The following ERC2 variants were observed in gnomAD, a reference collection of about 807,000 sequenced individuals.
ERC2 encodes ELKS/RAB6-interacting/CAST family member 2.
A neutral mutation model predicts 114.8 loss-of-function variants in ERC2; 42 were observed. That is an observed-to-expected ratio of 0.37 (90% CI 0.29 to 0.47). The LOEUF is 0.47. ERC2 is among the 20% of genes least tolerant of loss of function. The pLI, the probability that ERC2 is intolerant of heterozygous loss-of-function variation, is 0.99. For missense variants in ERC2, 939 were observed against 1,150.7 expected, an observed-to-expected ratio of 0.82 and a Z score of 2.66; for synonymous variants, 454 against 425.5, an observed-to-expected ratio of 1.07 and a Z score of -0.82.
intron 2 of ERC2, among the ~76,000 whole-genome samples, chr3:56,337,145 A>G (rs1272876320): frequency 6.6e-6 from 1 of 152,180 alleles, no homozygotes; most frequent in Non-Finnish European, 1.5e-5. Context: ...ACCAAAGGAA[A>G]CTTAATAAAC....
intron 17 of ERC2, among the ~76,000 whole-genome samples, chr3:55,597,291 G>A (rs2058190197): frequency 6.6e-6 from 1 of 151,932 alleles, no homozygotes; most frequent in Non-Finnish European, 1.5e-5. Flanking sequence ...GTGGTGGCAG[G>A]TGCCTATAGT....
chr3:55,796,600 AT>A (rs2070516291), intron 14 of ERC2, among the ~76,000 whole-genome samples: 1 of 152,084 alleles, frequency 6.6e-6, no homozygotes, highest in Non-Finnish European at 1.5e-5. Context: ...TAACTTTTGT[AT>A]TTTTAGTAGA....
intron 14 of ERC2, among the ~76,000 whole-genome samples, chr3:55,753,982 A>C (rs1390599081): frequency 1.3e-5 from 2 of 152,204 alleles, no homozygotes; most frequent in Non-Finnish European, 2.9e-5. Flanking sequence ...GAATCCTAAT[A>C]CACTTATGAG....
intron 3 of ERC2, among the ~76,000 whole-genome samples, chr3:56,282,126 G>A: frequency 6.6e-6 from 1 of 152,198 alleles, no homozygotes. Context: ...CAAAGATTTT[G>A]TAGCAGGCAG....
intron 7 of ERC2, among the ~76,000 whole-genome samples, chr3:56,040,581 A>ATCTCTATG (rs1491586595): frequency 4.6e-3 from 2 of 434 alleles, no homozygotes; most frequent in South Asian, 0.053. Context: ...ATATGTATAC[A>ATCTCTATG]TATACATATA....
chr3:56,081,077 T>G, intron 6 of ERC2, 93 bp from the exon 7 acceptor site: 2 of 1,380,192 alleles, frequency 1.4e-6, no homozygotes, highest in South Asian at 2.8e-5. Context: ...GGCAGCAGCA[T>G]GTTTACTGAG....
chr3:56,128,369 C>T (rs963453352), intron 6 of ERC2, among the ~76,000 whole-genome samples: 1 of 152,072 alleles, frequency 6.6e-6, no homozygotes, highest in African/African-American at 2.4e-5. Context: ...GTCTCCAGCA[C>T]CTAGGACCAT....
At chr3:56,459,737 G>GA (rs936532340) in intron 1 of ERC2, among the ~76,000 whole-genome samples, 29 of 152,084 alleles carry the variant, frequency 1.9e-4, no homozygotes, top group African/African-American at 6.5e-4. Flanking sequence ...TGACTTCCAG[G>GA]AAAAAATAAC....
chr3:55,779,327 C>CAAAAAAAAAAAAAAAAAA (rs60185894), intron 14 of ERC2, among the ~76,000 whole-genome samples: 2 of 62,470 alleles, frequency 3.2e-5, no homozygotes, highest in Non-Finnish European at 6.9e-5. Context: ...ACTAAAAATA[C>CAAAAAAAAAAAAAAAAAA]AAAAAAAAAA....
chr3:55,666,242 C>T (rs955249237), intron 17 of ERC2, among the ~76,000 whole-genome samples: 2 of 152,182 alleles, frequency 1.3e-5, no homozygotes, highest in Non-Finnish European at 2.9e-5. Flanking sequence ...AGGAGACCAG[C>T]AAGTTCAGAT....
chr3:55,976,623 A>G (rs1295556093), intron 12 of ERC2, among the ~76,000 whole-genome samples: 1 of 152,238 alleles, frequency 6.6e-6, no homozygotes, highest in Non-Finnish European at 1.5e-5. Context: ...AGCAAGTAAG[A>G]GTGTGCCCTA....
At chr3:56,183,468 A>G (rs971851863) in intron 3 of ERC2, among the ~76,000 whole-genome samples, 20 of 152,216 alleles carry the variant, frequency 1.3e-4, no homozygotes, top group African/African-American at 4.8e-4. Flanking sequence ...CACACAGCAT[A>G]CAATCATCAT....
rs192583994 is a variant in ERC2 at position 56,079,763 on chromosome 3, G to C, written c.1641+1054C>G. Among the ~76,000 whole-genome samples, 190 of 152,280 alleles carry C rather than the reference G, an allele frequency of 1.2e-3. 1 individual carries two copies. Among genetic ancestry groups the C allele is most frequent in the Admixed American group, 2.2e-3 (34 of 15,274 alleles). On this transcript the variant is annotated intron_variant, in intron 7 of 17. Transcript: ENST00000288221. ...TTATGTAATTGGTTGTGACTGGAGA[G>C]TTTTTATCAGAGAGTGACATGAACC...
intron 2 of ERC2, among the ~76,000 whole-genome samples, chr3:56,305,398 A>G (rs2056152334): frequency 6.6e-6 from 1 of 152,120 alleles, no homozygotes; most frequent in African/African-American, 2.4e-5. Flanking sequence ...AGAACAGGAA[A>G]TACGATCAGC....
At chr3:56,053,409 T>C (rs2075862390) in intron 7 of ERC2, among the ~76,000 whole-genome samples, 1 of 151,942 alleles carries the variant, frequency 6.6e-6, no homozygotes, top group Non-Finnish European at 1.5e-5. Flanking sequence ...GGATGTGGGG[T>C]AGAACATGTA....
chr3:56,402,578 C>T (rs913584079), intron 2 of ERC2, among the ~76,000 whole-genome samples: 1 of 152,162 alleles, frequency 6.6e-6, no homozygotes, highest in Non-Finnish European at 1.5e-5. Flanking sequence ...AACTTACAAC[C>T]CCACTAACAG....
At chr3:56,190,898 G>A (rs1387672004) in intron 3 of ERC2, among the ~76,000 whole-genome samples, 1 of 152,086 alleles carries the variant, frequency 6.6e-6, no homozygotes, top group Non-Finnish European at 1.5e-5. Flanking sequence ...TAACATTTAT[G>A]TAATAGTATG....
At chr3:56,103,780 TATC>T (rs2149810766) in intron 6 of ERC2, among the ~76,000 whole-genome samples, 1 of 151,038 alleles carries the variant, frequency 6.6e-6, no homozygotes, top group East Asian at 1.9e-4. Context: ...TCTATCTATC[TATC>T]TATCCATCCA....
At chr3:55,802,113 T>C (rs2071105636) in intron 14 of ERC2, among the ~76,000 whole-genome samples, 1 of 152,360 alleles carries the variant, frequency 6.6e-6, no homozygotes, top group African/African-American at 2.4e-5. Flanking sequence ...GACCAATCTA[T>C]ATGGATTTTG....
Sources: allele counts gnomAD v4.1 joint callset (sites outside exome capture counted in the v4.1 genomes callset), GRCh38; gene constraint gnomAD v4.1.1; transcripts MANE v1.5; gene names NCBI Gene and HGNC (gene_info 2026-07-23, HGNC 2026-07-21).